THAP9: variants seen among roughly 807,000 people sequenced by gnomAD.
THAP9 encodes THAP domain containing 9.
Under a neutral mutation model 35.7 loss-of-function variants are expected in THAP9, and 20 were observed. The ratio of observed to expected loss-of-function variants is 0.56; its 90% CI spans 0.39 to 0.81. THAP9 has a LOEUF of 0.81. Among genes scored for constraint, THAP9 ranks in the 40% least tolerant of loss-of-function variants. The probability of loss-of-function intolerance (pLI) is 0.00; values close to 1 mark genes in which losing one functional copy is unlikely to be tolerated. For missense variants in THAP9, 870 were observed against 1,047.4 expected (o/e 0.83, Z 2.34); for synonymous variants, 335 against 373.7 (o/e 0.90, Z 1.19).
At chr4:82,906,194 T>A in intron 2 of THAP9, 130 bp from the exon 3 acceptor site, 1 of 744,464 alleles carries the variant, frequency 1.3e-6, no homozygotes, top group Non-Finnish European at 2.1e-6. Context: ...CATTCAGAGA[T>A]TATGACCTTT....
intron 2 of THAP9, among the ~76,000 whole-genome samples, chr4:82,905,414 CTG>C (rs1001095538): frequency 6.6e-6 from 1 of 152,140 alleles, no homozygotes; most frequent in Non-Finnish European, 1.5e-5. Flanking sequence ...TTTCCTATGA[CTG>C]TTTTTATTTT....
rs1721141661 is a variant in THAP9 at position 82,918,814 on chromosome 4, T to G, written c.2602T>G (p.Leu868Val). Residue 868 changes from leucine (L) to valine (V), a missense_variant, in exon 5 of 5, where the codon TTA (leucine) becomes GTA (valine). Leu to Val is a conservative substitution (Grantham distance 32, BLOSUM62 1). Around this residue, in one of 3 missense-constraint regions of THAP9, gnomAD observed 414 missense variants for 500.8 expected, o/e 0.83. Coordinates refer to ENST00000302236, the MANE Select transcript of THAP9 (RefSeq NM_024672.6). ...TTCAGAGAGAACTGATATGAAAACT[T>G]TATCAAGGAAACACTGGTCATCTGT... ...HHSERTDMKT[L>V]SRKHWSSVQD... 6.2e-7 allele frequency: 1 copy of G among 1,613,812 alleles called. No homozygotes were observed. Among genetic ancestry groups the G allele is most frequent in the Non-Finnish European group, 8.5e-7 (1 of 1,179,866 alleles).
chr4:82,906,233 C>A, intron 2 of THAP9, 91 bp from the exon 3 acceptor site: 1 of 1,066,454 alleles, frequency 9.4e-7, no homozygotes, highest in South Asian at 1.8e-5. Context: ...CCACAGCAAC[C>A]AGATTAGTGC....
At chr4:82,913,887 C>T (rs754983513) in intron 4 of THAP9, among the ~76,000 whole-genome samples, 2 of 152,024 alleles carry the variant, frequency 1.3e-5, no homozygotes, top group African/African-American at 2.4e-5. Flanking sequence ...TAGGCACACA[C>T]CACTGAGCCT....
At chr4:82,911,801 AAGG>A (rs1029281128) in intron 4 of THAP9, among the ~76,000 whole-genome samples, 10 of 152,220 alleles carry the variant, frequency 6.6e-5, no homozygotes, top group African/African-American at 2.4e-4. Flanking sequence ...TTTGGGAAGA[AAGG>A]AGAAAATGTG....
intron 4 of THAP9, among the ~76,000 whole-genome samples, chr4:82,909,226 A>G (rs10022876): frequency 1 from 151,891 of 152,310 alleles, 75,736 homozygotes; most frequent in Non-Finnish European, 1. Flanking sequence ...ATAAAAAATT[A>G]TAGATTTTCC....
chr4:82,900,972 T>C, intron 1 of THAP9, 90 bp downstream of exon 1: 8 of 1,473,104 alleles, frequency 5.4e-6, no homozygotes, highest in Non-Finnish European at 7.5e-6. Flanking sequence ...GGCCGCACTG[T>C]GGGTCGCGCC....
rs1162688026 is a variant in THAP9 at position 82,906,376 on chromosome 4, A to C, written c.329A>C (p.Gln110Pro). The C allele has an allele frequency of 4.3e-6, 7 of 1,609,718 alleles. No individual in the cohort carries two copies. The African/African-American group carries it at 8.0e-5, about 18-fold the overall frequency. ...AAAGCAAGACAAAAAATCCTAAAAC[A>C]ACCTCTTCCAGACAATTCTCAAGAA... ...KGKARQKILK[Q>P]PLPDNSQEVA... The change falls in exon 3 of 5, where the codon CAA becomes CCA. Residue 110 changes from glutamine to proline, a missense_variant. By Grantham distance (76) the Gln-to-Pro change is moderately conservative. Around this residue, in one of 3 missense-constraint regions of THAP9, gnomAD observed 440 missense variants for 501.2 expected, o/e 0.88. Coordinates refer to ENST00000302236, the MANE Select transcript of THAP9 (RefSeq NM_024672.6).
Position 82,919,121 on chromosome 4 carries a change from C to A in THAP9, c.*197C>A. The A allele has an allele frequency of 4.2e-6, 2 of 471,562 alleles. No homozygotes were observed. Among genetic ancestry groups the A allele is most frequent in the Admixed American group, 3.8e-5 (1 of 26,280 alleles). 29.2% of individuals were successfully genotyped at this position (471,562 alleles called of 1,614,324 possible). A position where few individuals can be genotyped will look rare whatever the true frequency, so the allele number is the denominator to read the frequency against. On this transcript the variant is annotated 3_prime_UTR_variant, in exon 5 of 5. Coordinates refer to ENST00000302236, the MANE Select transcript of THAP9 (RefSeq NM_024672.6). Reference sequence around the variant, plus strand: ...TGGCTTGCAGCATTTATGAGTTTTCCAAAATATAGAAAGCAGTAGGTCAGT... The same window carrying A: ...TGGCTTGCAGCATTTATGAGTTTTCAAAAATATAGAAAGCAGTAGGTCAGT...
At chr4:82,912,830 G>T (rs150267093) in intron 4 of THAP9, among the ~76,000 whole-genome samples, 33 of 152,244 alleles carry the variant, frequency 2.2e-4, no homozygotes, top group African/African-American at 7.9e-4. Context: ...GATGTCCTTC[G>T]ATTTGAGTTG....
In THAP9 at chr4:82,919,080, C is replaced by T. The variant is rs1226016380; in HGVS notation, c.*156C>T. On this transcript the variant is annotated 3_prime_UTR_variant, in exon 5 of 5. Coordinates refer to ENST00000302236, the MANE Select transcript of THAP9 (RefSeq NM_024672.6). ...TCAAATTCTGCATATCACAAAATCTCCTTATACTTTTGGTATGGCTTGCAG... is the reference window on the plus strand; with the variant it reads ...TCAAATTCTGCATATCACAAAATCTTCTTATACTTTTGGTATGGCTTGCAG... 4.9e-6 allele frequency: 3 copies of T among 616,706 alleles called. No individual in the cohort carries two copies. Among genetic ancestry groups the T allele is most frequent in the Admixed American group, 6.6e-5 (2 of 30,176 alleles). 38.2% of individuals were successfully genotyped at this position (616,706 alleles called of 1,614,324 possible).
intron 1 of THAP9, chr4:82,903,643 C>T (rs1720519109): frequency 6.6e-6 from 1 of 152,550 alleles, no homozygotes; most frequent in Non-Finnish European, 1.5e-5. Context: ...AGTAAATATA[C>T]TTGTCTTGTT....
At chr4:82,901,023 G>A (rs549153111) in intron 1 of THAP9, 141 bp downstream of exon 1, 6 of 1,031,618 alleles carry the variant, frequency 5.8e-6, no homozygotes, top group South Asian at 1.4e-5. Flanking sequence ...GTCGGGGCGT[G>A]GGAGCGGAAT....
Position 82,917,260 on chromosome 4 carries a change from CAGGCTCAGCT to C in THAP9, c.1049_1058del (p.Gln350ArgfsTer4). 1 of 1,614,132 alleles carries C rather than the reference CAGGCTCAGCT, an allele frequency of 6.2e-7. No individual in the cohort carries two copies. The highest frequency in any genetic ancestry group is 8.5e-7 in the Non-Finnish European group (1 of 1,180,010). ...TGTAAACAGAGCATCTGGATATTTG[CAGGCTCAGCT>C]GCTTCGTCTGACTATTGGTAAACTG... On this transcript the variant is annotated frameshift_variant, in exon 5 of 5. Coordinates refer to ENST00000302236, the MANE Select transcript of THAP9 (RefSeq NM_024672.6). LOFTEE classifies it high-confidence loss of function.
rs1721162508 is a variant in THAP9, at chr4:82,919,416, AG to A, written c.*493del. On this transcript the variant is annotated 3_prime_UTR_variant, in exon 5 of 5. Coordinates refer to ENST00000302236, the MANE Select transcript of THAP9 (RefSeq NM_024672.6). ...AATTATAGTTTGAAAATTAGGCTCA[AG>A]CAAATATCAAATACTGCAAAAATCC... 6.5e-6 allele frequency: 1 copy of A among 152,672 alleles called. No individual in the cohort carries two copies. The highest frequency in any genetic ancestry group is 2.1e-4 in the South Asian group (1 of 4,846). 9.5% of individuals were successfully genotyped at this position (152,672 alleles called of 1,614,324 possible). A position where few individuals can be genotyped will look rare whatever the true frequency, so the allele number is the denominator to read the frequency against.
chr4:82,901,903 G>C (rs1720411864), intron 1 of THAP9, among the ~76,000 whole-genome samples: 1 of 151,966 alleles, frequency 6.6e-6, no homozygotes, highest in South Asian at 2.1e-4. Flanking sequence ...TCTGTACTTG[G>C]CTCTGGGTCT....
At position 82,919,576 on chromosome 4, in the gene THAP9, T is replaced by C. The variant is rs1176522812; in HGVS notation, c.*652T>C. The C allele has an allele frequency of 6.6e-6, 1 of 152,206 alleles. No homozygotes were observed. The highest frequency in any genetic ancestry group is 1.9e-4 in the East Asian group (1 of 5,200). The allele number at this position is 152,206 out of a possible 1,614,324, so 9.4% of individuals were successfully genotyped here. On this transcript the variant is annotated 3_prime_UTR_variant, in exon 5 of 5. Transcript: ENST00000302236. ...CAATCTGGAAAGAACATACCTAATG[T>C]GTTTTTCACCATCCATTATCTCTGA...
chr4:82,906,491 G>A lies in THAP9; in HGVS notation c.444G>A (p.Val148=), dbSNP rs1451441398. The A allele has an allele frequency of 2.5e-6, 4 of 1,613,694 alleles. No homozygotes were observed. Among genetic ancestry groups the A allele is most frequent in the Non-Finnish European group, 8.5e-7 (1 of 1,179,734 alleles). ...CTGAGGTGCAACAAATGTTACAAGT[G>A]TCCAAAAAAAGACTTATCTCCGTAA... ...KLAEVQQMLQ[V]SKKRLISVKN... The change falls in exon 3 of 5, where the codon GTG becomes GTA. Residue 148 remains valine (V), a synonymous_variant. Transcript: ENST00000302236.
At chr4:82,912,495 C>G (rs1720897650) in intron 4 of THAP9, among the ~76,000 whole-genome samples, 5 of 152,170 alleles carry the variant, frequency 3.3e-5, no homozygotes. Context: ...AAGTGACTCC[C>G]TATAATCATT....
Sources: gnomAD v4.1 joint callset for allele counts (sites outside exome capture counted in the v4.1 genomes callset) on GRCh38, gnomAD v4.1.1 for gene constraint, gnomAD v4.1.1 regional missense constraint, MANE v1.5 for transcripts, NCBI Gene and HGNC (gene_info 2026-07-23, HGNC 2026-07-21) for gene names.